Variants in RARB observed in about 807,000 individuals in gnomAD.
RARB encodes the protein retinoic acid receptor beta.
Under a neutral mutation model 51.9 loss-of-function variants are expected in RARB, and 17 were observed. The observed-to-expected ratio is 0.33, with a 90% CI of 0.22 to 0.49. The LOEUF is 0.49. Among genes scored for constraint, RARB ranks in the 20% least tolerant of loss-of-function variants. RARB has a pLI of 0.99. For synonymous variants in RARB, 215 were observed against 195.4 expected (o/e 1.10, Z -0.84); for missense variants, 369 against 550.8 (o/e 0.67, Z 3.30).
At chr3:24,879,945 GT>G (rs1255093436) in intron 2 of RARB, among the ~76,000 whole-genome samples, 1 of 146,438 alleles carries the variant, frequency 6.8e-6, no homozygotes, top group Admixed American at 6.7e-5. Context: ...AAGTTCTTGA[GT>G]TTTGTGTTAC....
At chr3:24,887,093 A>G (rs1471623434) in intron 2 of RARB, among the ~76,000 whole-genome samples, 2 of 152,254 alleles carry the variant, frequency 1.3e-5, no homozygotes, top group African/African-American at 4.8e-5. Flanking sequence ...TGAATGCCTG[A>G]AGATTCAGCT....
intron 5 of RARB, among the ~76,000 whole-genome samples, chr3:25,286,069 G>A (rs1703643767): frequency 6.9e-6 from 1 of 145,942 alleles, no homozygotes; most frequent in African/African-American, 2.5e-5. Flanking sequence ...TTAATTGCTA[G>A]TCTTGATCTT....
chr3:24,850,801 G>T (rs1001275026), intron 1 of RARB, among the ~76,000 whole-genome samples: 1 of 152,160 alleles, frequency 6.6e-6, no homozygotes, highest in East Asian at 1.9e-4. Context: ...CAAGGATGAG[G>T]CCTGAAATTC....
At chr3:25,029,453 C>A (rs1167574675) in intron 2 of RARB, among the ~76,000 whole-genome samples, 2 of 152,226 alleles carry the variant, frequency 1.3e-5, no homozygotes, top group Admixed American at 6.5e-5. Context: ...TGCATAACTG[C>A]TTCAAAACTG....
At chr3:25,033,525 A>G (rs1017157079) in intron 2 of RARB, among the ~76,000 whole-genome samples, 4 of 152,192 alleles carry the variant, frequency 2.6e-5, no homozygotes, top group African/African-American at 9.7e-5. Flanking sequence ...CTGTGTCTCT[A>G]TGTGGCTGCT....
chr3:25,188,399 C>T (rs28490355), intron 5 of RARB, among the ~76,000 whole-genome samples: 1 of 152,040 alleles, frequency 6.6e-6, no homozygotes, highest in Admixed American at 6.6e-5. Flanking sequence ...CAATTGTATT[C>T]GGCTGAACCA....
intron 5 of RARB, among the ~76,000 whole-genome samples, chr3:25,405,992 C>A (rs1180620798): frequency 1.3e-5 from 2 of 152,138 alleles, no homozygotes; most frequent in African/African-American, 4.8e-5. Context: ...ACTGTGGTCA[C>A]TATCCCGAGA....
At chr3:24,948,552 T>C (rs966362378) in intron 2 of RARB, among the ~76,000 whole-genome samples, 2 of 152,292 alleles carry the variant, frequency 1.3e-5, no homozygotes, top group Middle Eastern at 3.4e-3. Flanking sequence ...TATTCTCATG[T>C]TGTGATTGAG....
chr3:25,469,014 AG>A (rs1235348450), intron 2 of RARB, among the ~76,000 whole-genome samples: 3 of 152,210 alleles, frequency 2.0e-5, no homozygotes, highest in Non-Finnish European at 4.4e-5. Context: ...TCACATTGGT[AG>A]CCTTCTATTT....
At chr3:25,041,363 C>T (rs912085018) in intron 2 of RARB, among the ~76,000 whole-genome samples, 6 of 151,926 alleles carry the variant, frequency 3.9e-5, no homozygotes, top group East Asian at 1.9e-4. Context: ...TTTAAATATT[C>T]GAATCCATCT....
chr3:24,918,120 C>T (rs1055040159), intron 2 of RARB, among the ~76,000 whole-genome samples: 1 of 152,164 alleles, frequency 6.6e-6, no homozygotes, highest in South Asian at 2.1e-4. Flanking sequence ...TAACATTGTT[C>T]TTAGTAGTTA....
chr3:24,929,086 T>A (rs1251849151), intron 2 of RARB, among the ~76,000 whole-genome samples: 1 of 152,094 alleles, frequency 6.6e-6, no homozygotes, highest in Non-Finnish European at 1.5e-5. Flanking sequence ...AATGATATAA[T>A]GATATGAATA....
At chr3:25,088,660 A>T (rs1007450926) in intron 3 of RARB, among the ~76,000 whole-genome samples, 4 of 152,168 alleles carry the variant, frequency 2.6e-5, no homozygotes, top group African/African-American at 9.7e-5. Context: ...TATCAAAAGA[A>T]TAGATGTTAA....
chr3:25,125,355 T>C (rs1413119064), intron 3 of RARB, among the ~76,000 whole-genome samples: 1 of 152,182 alleles, frequency 6.6e-6, no homozygotes, highest in Non-Finnish European at 1.5e-5. Context: ...CTGGTATTTA[T>C]TGGAGAGCAA....
chr3:25,370,117 T>G (rs903264518), intron 5 of RARB, among the ~76,000 whole-genome samples: 3 of 152,064 alleles, frequency 2.0e-5, no homozygotes, highest in Non-Finnish European at 4.4e-5. Flanking sequence ...CACATAGATA[T>G]GTAGGTATGA....
intron 1 of RARB, among the ~76,000 whole-genome samples, chr3:25,431,731 G>C (rs1253907393): frequency 6.6e-6 from 1 of 151,620 alleles, no homozygotes; most frequent in South Asian, 2.1e-4. Context: ...ACATCAAAAG[G>C]AAAAAGAAAA....
chr3:25,041,392 A>G (rs1310856296), intron 2 of RARB, among the ~76,000 whole-genome samples: 1 of 152,188 alleles, frequency 6.6e-6, no homozygotes, highest in Non-Finnish European at 1.5e-5. Context: ...TTTTACTTGG[A>G]AAGTTCATAG....
At chr3:25,301,652 A>G (rs1022970884) in intron 5 of RARB, among the ~76,000 whole-genome samples, 1 of 152,152 alleles carries the variant, frequency 6.6e-6, no homozygotes, top group Non-Finnish European at 1.5e-5. Flanking sequence ...GCAGAGCTTT[A>G]GAACACTGAG....
chr3:25,066,529 T>G (rs570030313), intron 3 of RARB, among the ~76,000 whole-genome samples: 1 of 152,248 alleles, frequency 6.6e-6, no homozygotes, highest in African/African-American at 2.4e-5. Context: ...TGCTCCTATG[T>G]CAGTCGCCTT....
Sources: allele counts gnomAD v4.1 joint callset (sites outside exome capture counted in the v4.1 genomes callset), GRCh38; gene constraint gnomAD v4.1.1; transcripts MANE v1.5; gene names NCBI Gene and HGNC (gene_info 2026-07-23, HGNC 2026-07-21).